PTGIR: variants seen among roughly 807,000 people sequenced by gnomAD.
The protein encoded by PTGIR is prostaglandin I2 receptor.
PTGIR carries 16 observed loss-of-function variants against 17.6 expected under a neutral mutation model. The observed-to-expected ratio is 0.91, with a 90% CI of 0.61 to 1.38. The LOEUF is 1.38. Ranked by LOEUF, PTGIR falls within the 40% of genes most tolerant of loss-of-function variation. PTGIR has a pLI of 0.00. For synonymous variants in PTGIR, 274 were observed against 255.4 expected, an observed-to-expected ratio of 1.07 and a Z score of -0.69; for missense variants, 532 against 548.6, an observed-to-expected ratio of 0.97 and a Z score of 0.30.
chr19:46,624,338 G>T, intron 1 of PTGIR, 101 bp from the exon 2 acceptor site: 1 of 1,142,890 alleles, frequency 8.7e-7, no homozygotes. Flanking sequence ...GGCAGCTGGG[G>T]CCTCCCAGCC....
the PTGIR span, chr19:46,614,275 C>A: frequency 1.4e-6 from 1 of 727,290 alleles, no homozygotes; most frequent in Non-Finnish European, 1.7e-6. Context: ...TGGGGCCACT[C>A]CTGAGTGTCA....
the PTGIR span, chr19:46,614,421 G>A: frequency 3.7e-5 from 36 of 985,398 alleles, no homozygotes; most frequent in South Asian, 9.4e-5. Flanking sequence ...GGGTGCTAGG[G>A]AGATGGGAAT....
At position 46,623,983 on chromosome 19, in the gene PTGIR, C is replaced by A. The variant is rs768472983; in HGVS notation, c.243G>T (p.Leu81=). 1 of 1,566,360 alleles carries A rather than the reference C, an allele frequency of 6.4e-7. No individual in the cohort carries two copies. Among genetic ancestry groups the A allele is most frequent in the Non-Finnish European group, 8.7e-7 (1 of 1,155,174 alleles). ...CGGGGCCGCCTCGGGCCAGGCCCAG[C>A]AGGGAGCTGTTGCGCGCATAGGCCA... ...VFVAYARNSS[L]LGLARGGPAL... Residue 81 remains leucine, a synonymous_variant, in exon 2 of 3, where the codon CTG becomes CTT. Coordinates refer to ENST00000291294, the MANE Select transcript of PTGIR (RefSeq NM_000960.4).
downstream of PTGIR, among the ~76,000 whole-genome samples, chr19:46,619,497 A>G (rs560259795): frequency 9.1e-6 from 1 of 110,482 alleles, no homozygotes; most frequent in East Asian, 2.6e-4. Flanking sequence ...TCTGTCTCAA[A>G]AAAGAAAGAA....
In PTGIR at chr19:46,621,481, C is replaced by T. The variant is rs113583485; in HGVS notation, c.960G>A (p.Gln320=). 16 of 1,614,180 alleles carry T rather than the reference C, an allele frequency of 9.9e-6. No individual in the cohort carries two copies. The Middle Eastern group carries it at 4.9e-4, about 50-fold the overall frequency. The part of the protein sequence containing the change: ...LCLGPAHGDS[Q]TPLSQLASGR... ...CTGAGGCGAGCTGGGAAAGGGGTGT[C>T]TGCGAGTCTCCGTGGGCAGGCCCGA... Residue 320 remains glutamine (Q), a synonymous_variant, in exon 3 of 3, where the codon CAG becomes CAA. Coordinates refer to ENST00000291294, the MANE Select transcript of PTGIR (RefSeq NM_000960.4). The surrounding 1 kb of genome is among the most constrained non-coding windows in gnomAD (Gnocchi z 4.8).
In PTGIR at chr19:46,624,256, G is replaced by C. The variant is rs376912024; in HGVS notation, c.-12-19C>G. On this transcript the variant is annotated intron_variant, in intron 1 of 2. Transcript: ENST00000291294. ...GTCTGGGCTGGAGGGTTCCCAAGGT[G>C]GGGGGTCAGAGGGAGCCAGGGCTAC... 33 of 1,415,422 alleles carry C rather than the reference G, an allele frequency of 2.3e-5. No individual in the cohort carries two copies. In the African/African-American group the frequency reaches 2.5e-4, roughly 11 times the overall value. The allele number at this position is 1,415,422 out of a possible 1,614,324, so 87.7% of individuals were successfully genotyped here. A position where few individuals can be genotyped will look rare whatever the true frequency, so the allele number is the denominator to read the frequency against.
chr19:46,623,750 C>A lies in PTGIR; in HGVS notation c.476G>T (p.Gly159Val). 6.3e-7 allele frequency: 1 copy of A among 1,599,236 alleles called. No individual in the cohort carries two copies. The highest frequency in any genetic ancestry group is 2.2e-5 in the East Asian group (1 of 44,586). Residue 159 changes from glycine (G) to valine (V), a missense_variant, in exon 2 of 3, where the codon GGC becomes GTC. Coordinates refer to ENST00000291294, the MANE Select transcript of PTGIR (RefSeq NM_000960.4). ...GCCGGGGCAGTACTGCTGGTGTTGG[C>A]CCAGGCCCAGCAGGGGCAGCGCGCA... is the stretch of plus-strand genomic sequence containing the variant. ...LFCALPLLGLGQHQQYCPGSW... is the reference protein window; with the variant it reads ...LFCALPLLGLVQHQQYCPGSW...
downstream of PTGIR, among the ~76,000 whole-genome samples, chr19:46,618,631 C>T (rs1333759946): frequency 6.6e-6 from 1 of 152,034 alleles, no homozygotes; most frequent in African/African-American, 2.4e-5. Flanking sequence ...TTTTTTTAAT[C>T]GCAGTAAGAT....
At chr19:46,612,808 T>G in the PTGIR span, among the ~76,000 whole-genome samples, 1 of 152,036 alleles carries the variant, frequency 6.6e-6, no homozygotes, top group African/African-American at 2.4e-5. Context: ...TGGGCTGTGG[T>G]TTCCCACAGG....
rs138742388 is a variant in PTGIR, at chr19:46,621,391, C to T, written c.1050G>A (p.Ser350=). Residue 350 remains serine, a synonymous_variant, in exon 3 of 3, where the codon TCG becomes TCA. Transcript: ENST00000291294. This position sits in a 1 kb window ranked among gnomAD's most constrained non-coding sequence, Gnocchi z 4.8. Reference sequence around the variant, plus strand: ...GCTCCACCTGCCCCTCGCCCCAAGCCGACAAAGGCACGCAGCTCCCCTCCT... The same window carrying T: ...GCTCCACCTGCCCCTCGCCCCAAGCTGACAAAGGCACGCAGCTCCCCTCCT... ...VGKEGSCVPL[S]AWGEGQVEPL... is the part of the protein sequence containing the mutation. 1.4e-4 allele frequency: 221 copies of T among 1,594,322 alleles called. 1 individual carries two copies. The highest frequency in any genetic ancestry group is 2.0e-5 in the Non-Finnish European group (23 of 1,167,806).
At chr19:46,619,710 G>A (rs1482508543), downstream of PTGIR, among the ~76,000 whole-genome samples, 2 of 152,280 alleles carry the variant, frequency 1.3e-5, no homozygotes, top group South Asian at 2.1e-4. Flanking sequence ...GATGGAGTGG[G>A]AGGAAGCGCT....
rs2052721237 is a variant in PTGIR, at chr19:46,621,119, A to G, written c.*161T>C. On this transcript the variant is annotated 3_prime_UTR_variant, in exon 3 of 3. Transcript: ENST00000291294. The surrounding 1 kb of genome is among the most constrained non-coding windows in gnomAD (Gnocchi z 4.8). Reference sequence around the variant, plus strand: ...TTCCTCTGTCCCTCACTCTCTTCCCAGAGCCAGCAGCGACTGCCCTGCCGC... The same window carrying G: ...TTCCTCTGTCCCTCACTCTCTTCCCGGAGCCAGCAGCGACTGCCCTGCCGC... 1.5e-6 allele frequency: 2 copies of G among 1,327,958 alleles called. No individual in the cohort carries two copies. Among genetic ancestry groups the G allele is most frequent in the Admixed American group, 3.4e-5 (1 of 29,848 alleles). 82.3% of individuals were successfully genotyped at this position (1,327,958 alleles called of 1,614,324 possible). A position where few individuals can be genotyped will look rare whatever the true frequency, so the allele number is the denominator to read the frequency against.
intron 2 of PTGIR, chr19:46,622,394 G>A: frequency 1.0e-6 from 1 of 985,408 alleles, no homozygotes; most frequent in Non-Finnish European, 1.2e-6. Context: ...GTAAAAACGG[G>A]GATGGGAGAG....
chr19:46,611,515 C>G, the PTGIR span, among the ~76,000 whole-genome samples: 9 of 152,350 alleles, frequency 5.9e-5, no homozygotes, highest in Non-Finnish European at 1.3e-4. Context: ...AAAACAATTG[C>G]AAACCACACA....
At position 46,621,814 on chromosome 19, in the gene PTGIR, A is replaced by T; in HGVS notation, c.769-142T>A. ...GGAGATAAGATAAAGACTAAGTAAC[A>T]AATGTATCTGGGGAACACAGGGAGA... is the stretch of plus-strand genomic sequence containing the variant. On this transcript the variant is annotated intron_variant, in intron 2 of 2. Transcript: ENST00000291294. This position sits in a 1 kb window ranked among gnomAD's most constrained non-coding sequence, Gnocchi z 4.8. 7.0e-7 allele frequency: 1 copy of T among 1,422,776 alleles called. No individual in the cohort carries two copies. The allele number at this position is 1,422,776 out of a possible 1,614,324, so 88.1% of individuals were successfully genotyped here.
downstream of PTGIR, among the ~76,000 whole-genome samples, chr19:46,619,725 A>G (rs577198624): frequency 7.2e-5 from 11 of 152,284 alleles, no homozygotes; most frequent in East Asian, 2.1e-3. Flanking sequence ...AGCGCTGCCT[A>G]CCCCTCGAAG....
intron 1 of PTGIR, 72 bp from the exon 2 acceptor site, chr19:46,624,309 C>T (rs2052776816): frequency 2.2e-6 from 3 of 1,364,506 alleles, no homozygotes; most frequent in Non-Finnish European, 2.8e-6. Flanking sequence ...CTCAGATGTC[C>T]CTGCTGGCCA....
At chr19:46,619,700 G>A (rs186158632), downstream of PTGIR, among the ~76,000 whole-genome samples, 727 of 151,516 alleles carry the variant, frequency 4.8e-3, 9 homozygotes, top group African/African-American at 0.017. Flanking sequence ...TTGCCCTGTG[G>A]ATGGAGTGGG....
downstream of PTGIR, among the ~76,000 whole-genome samples, chr19:46,616,402 C>T (rs986668691): frequency 2.2e-5 from 3 of 134,994 alleles, no homozygotes; most frequent in Non-Finnish European, 4.6e-5. Context: ...GGCGTGATCT[C>T]GGCTCACTGC....
Sources: gnomAD v4.1 joint callset for allele counts (sites outside exome capture counted in the v4.1 genomes callset) on GRCh38, gnomAD v4.1.1 for gene constraint, Gnocchi (gnomAD v3.1) non-coding constraint, MANE v1.5 for transcripts, NCBI Gene and HGNC (gene_info 2026-07-23, HGNC 2026-07-21) for gene names.